The following MAP3K19 variants were observed in gnomAD, a reference collection of about 807,000 sequenced individuals.
The protein encoded by MAP3K19 is SPS1/STE20-related protein kinase YSK4.
A neutral mutation model predicts 114.4 loss-of-function variants in MAP3K19; 91 were observed. The ratio of observed to expected loss-of-function variants is 0.80; its 90% confidence interval spans 0.67 to 0.95. The LOEUF (loss-of-function observed/expected upper bound fraction) is 0.95, where lower values mean the gene tolerates loss of function less well. Among genes scored for constraint, MAP3K19 ranks in the 40% least tolerant of loss-of-function variants. The pLI, the probability that MAP3K19 is intolerant of heterozygous loss-of-function variation, is 0.00. For synonymous variants in MAP3K19, 518 were observed against 530.5 expected (o/e 0.98, Z 0.32); for missense variants, 1,471 against 1,573.2 (o/e 0.94, Z 1.10).
chr2:134,985,694 A>C, intron 10 of MAP3K19, 106 bp downstream of exon 10: 3 of 1,029,646 alleles, frequency 2.9e-6, no homozygotes, highest in Non-Finnish European at 4.1e-6. Flanking sequence ...AAAACTATTT[A>C]ATTGTTTAGG....
At chr2:135,001,755 C>T (rs948543760) in intron 6 of MAP3K19, among the ~76,000 whole-genome samples, 1 of 152,180 alleles carries the variant, frequency 6.6e-6, no homozygotes, top group East Asian at 1.9e-4. Flanking sequence ...TTAAGAACAA[C>T]TGTACTTTTG....
At chr2:135,014,930 T>C (rs1355499804) in intron 5 of MAP3K19, among the ~76,000 whole-genome samples, 3 of 152,242 alleles carry the variant, frequency 2.0e-5, no homozygotes, top group African/African-American at 7.2e-5. Context: ...TACCACAATT[T>C]ATGTATCCTT....
At chr2:135,025,655 G>C (rs936673372) in intron 3 of MAP3K19, among the ~76,000 whole-genome samples, 4 of 151,724 alleles carry the variant, frequency 2.6e-5, no homozygotes, top group African/African-American at 9.7e-5. Context: ...CAAAGTGCTG[G>C]GATTACAGGC....
intron 4 of MAP3K19, among the ~76,000 whole-genome samples, chr2:135,022,696 A>C (rs954517876): frequency 2.6e-5 from 4 of 152,196 alleles, no homozygotes; most frequent in Admixed American, 2.0e-4. Flanking sequence ...TAGATCGCTC[A>C]AACTTTCTTC....
chr2:134,980,848 G>C lies in MAP3K19; in HGVS notation c.3893C>G (p.Ala1298Gly). The C allele has an allele frequency of 6.2e-7, 1 of 1,614,020 alleles. No homozygotes were observed. The part of the protein sequence containing the change: ...PLPDHFSENA[A>G]DFVRMCLTRD... ...GGTCAGGCACATGCGCACAAAGTCT[G>C]CTGCATTTTCTGAGAAGTGGTCTGG... Residue 1298 changes from alanine to glycine, a missense_variant, in exon 12 of 13, where the codon GCA becomes GGA. Ala to Gly is a moderately conservative substitution (Grantham distance 60, BLOSUM62 0). Transcript: ENST00000392915.
rs894291152 is a variant in MAP3K19 at position 134,987,084 on chromosome 2, C to T, written c.1788G>A (p.Gln596=). The stretch of plus-strand genomic sequence containing the variant: ...GGTGAGTTGATTGCTTCTTTGCTAT[C>T]TGTGGCATTTTCTTTTGAAACCTGG... ...QLPRFQKKMP[Q]IAKKQSTHRT... The change falls in exon 10 of 13, where the codon CAG becomes CAA. Residue 596 remains glutamine, a synonymous_variant. Transcript: ENST00000392915. 33 of 1,613,014 alleles carry T rather than the reference C, an allele frequency of 2.0e-5. No homozygotes were observed. Among genetic ancestry groups the T allele is most frequent in the Non-Finnish European group, 2.8e-5 (33 of 1,179,986 alleles).
intron 10 of MAP3K19, among the ~76,000 whole-genome samples, chr2:134,985,302 A>C (rs1461170167): frequency 6.6e-6 from 1 of 152,244 alleles, no homozygotes; most frequent in Non-Finnish European, 1.5e-5. Context: ...TTTTGCATTA[A>C]AGTAGTGAAT....
intron 12 of MAP3K19, among the ~76,000 whole-genome samples, chr2:134,970,939 G>C (rs1573907994): frequency 6.6e-6 from 1 of 152,150 alleles, no homozygotes. Context: ...ACTCTGGCTA[G>C]AACTTCCAAT....
intron 12 of MAP3K19, among the ~76,000 whole-genome samples, chr2:134,973,277 T>C (rs1683998972): frequency 1.3e-5 from 2 of 152,232 alleles, no homozygotes; most frequent in African/African-American, 4.8e-5. Context: ...TCTTCAGATC[T>C]AATAATATTT....
chr2:134,968,488 G>T (rs868229137), intron 12 of MAP3K19, among the ~76,000 whole-genome samples: 3 of 148,550 alleles, frequency 2.0e-5, no homozygotes, highest in African/African-American at 7.7e-5. Flanking sequence ...CGGGCGGGGG[G>T]CTGACCCCCC....
intron 8 of MAP3K19, among the ~76,000 whole-genome samples, chr2:134,993,567 A>G (rs1685762067): frequency 6.6e-6 from 1 of 152,360 alleles, no homozygotes; most frequent in East Asian, 1.9e-4. Flanking sequence ...TTTTCTATTG[A>G]AAAGATGTTA....
In MAP3K19 at chr2:135,000,997, A is replaced by G. The variant is rs191175122; in HGVS notation, c.236-982T>C. Reference sequence around the variant, plus strand: ...TGCTTAATAGCTATCATCATTATCTAAATTAGTAGATTTTTATTATTTTAA... The same window carrying G: ...TGCTTAATAGCTATCATCATTATCTGAATTAGTAGATTTTTATTATTTTAA... On this transcript the variant is annotated intron_variant, in intron 6 of 12. Coordinates refer to ENST00000392915, the MANE Select transcript of MAP3K19 (RefSeq NM_025052.5). 2.6e-4 allele frequency among the ~76,000 whole-genome samples: 40 copies of G among 152,212 alleles called. No individual in the cohort carries two copies. In the East Asian group the frequency reaches 5.6e-3, roughly 21 times the overall value.
intron 5 of MAP3K19, among the ~76,000 whole-genome samples, chr2:135,011,944 G>A (rs1353892459): frequency 6.6e-6 from 1 of 152,122 alleles, no homozygotes; most frequent in Non-Finnish European, 1.5e-5. Flanking sequence ...AATATGAAGT[G>A]ATATAGTTAG....
intron 12 of MAP3K19, among the ~76,000 whole-genome samples, chr2:134,976,944 G>T (rs1291269866): frequency 2.6e-5 from 4 of 151,446 alleles, no homozygotes; most frequent in Admixed American, 2.6e-4. Flanking sequence ...CTACTTGGGA[G>T]GCTGAGACAG....
intron 8 of MAP3K19, among the ~76,000 whole-genome samples, chr2:134,996,773 G>A (rs1025265297): frequency 2.0e-5 from 3 of 152,214 alleles, no homozygotes; most frequent in Admixed American, 2.0e-4. Flanking sequence ...GGTGGCTCAT[G>A]CCTGTAATTC....
At chr2:134,990,692 G>A (rs1282861352) in intron 9 of MAP3K19, among the ~76,000 whole-genome samples, 1 of 151,976 alleles carries the variant, frequency 6.6e-6, no homozygotes, top group Non-Finnish European at 1.5e-5. Context: ...GGCCAGGATG[G>A]TTTCGATCTC....
intron 12 of MAP3K19, among the ~76,000 whole-genome samples, chr2:134,978,196 T>C (rs1684382163): frequency 1.3e-5 from 2 of 152,026 alleles, no homozygotes; most frequent in African/African-American, 4.8e-5. Context: ...ATGATTTTTT[T>C]TTTTTTTTGA....
chr2:134,990,469 T>G (rs6758671), intron 9 of MAP3K19, among the ~76,000 whole-genome samples: 13,308 of 151,810 alleles, frequency 0.088, 688 homozygotes, highest in East Asian at 0.19. Flanking sequence ...TGTTTTTTTT[T>G]TTTGTTTGTT....
intron 12 of MAP3K19, among the ~76,000 whole-genome samples, chr2:134,968,437 C>T (rs1231140775): frequency 2.1e-5 from 3 of 144,844 alleles, no homozygotes; most frequent in African/African-American, 7.8e-5. Context: ...TAGGGGCGGC[C>T]GGGCAGAGGC....
Sources: gnomAD v4.1 joint callset for allele counts (sites outside exome capture counted in the v4.1 genomes callset) on GRCh38, gnomAD v4.1.1 for gene constraint, MANE v1.5 for transcripts, NCBI Gene and HGNC (gene_info 2026-07-23, HGNC 2026-07-21) for gene names.